Variants in EBF1 observed in about 807,000 individuals in gnomAD.
EBF1 encodes EBF transcription factor 1.
A neutral mutation model predicts 68.4 loss-of-function variants in EBF1; 10 were observed. That is an observed-to-expected ratio of 0.15 (90% CI 0.09 to 0.25). The LOEUF is 0.25. Among genes scored for constraint, EBF1 ranks in the 10% least tolerant of loss-of-function variants. The pLI, the probability that EBF1 is intolerant of heterozygous loss-of-function variation, is 1.00. For missense variants in EBF1, 509 were observed against 794.4 expected (o/e 0.64, Z 4.32); for synonymous variants, 298 against 299.8 (o/e 0.99, Z 0.06).
At chr5:158,921,908 A>C (rs1808523229) in intron 6 of EBF1, among the ~76,000 whole-genome samples, 1 of 152,230 alleles carries the variant, frequency 6.6e-6, no homozygotes, top group Non-Finnish European at 1.5e-5. Context: ...TGGTTTATTG[A>C]ACCTGTAAAA....
chr5:158,720,217 C>T (rs1761638274), intron 11 of EBF1, among the ~76,000 whole-genome samples: 1 of 152,042 alleles, frequency 6.6e-6, no homozygotes, highest in South Asian at 2.1e-4. Flanking sequence ...TTGATGTGTG[C>T]ATTCAGCTCC....
At chr5:159,081,451 C>T (rs779008954) in intron 5 of EBF1, among the ~76,000 whole-genome samples, 2 of 152,338 alleles carry the variant, frequency 1.3e-5, no homozygotes, top group East Asian at 1.9e-4. Context: ...CAGTTTCAGG[C>T]ATCCACTGTG....
rs572163696 is a variant in EBF1, at chr5:158,864,209, G to T, written c.555-24099C>A. Among the ~76,000 whole-genome samples, 43 of 113,964 alleles carry T rather than the reference G, an allele frequency of 3.8e-4. No homozygotes were observed. In the South Asian group the frequency reaches 0.013, roughly 35 times the overall value. 74.8% of individuals were successfully genotyped at this position (113,964 alleles called of 152,430 possible). ...ACTGCACTCCAGCCTGGGTGACAGA[G>T]CAAGACTCTGTCTCAAAAAAAAAAA... is the stretch of plus-strand genomic sequence containing the variant. On this transcript the variant is annotated intron_variant, in intron 6 of 15. Transcript: ENST00000313708.
chr5:158,976,412 G>A (rs2127575026), intron 6 of EBF1, among the ~76,000 whole-genome samples: 1 of 151,788 alleles, frequency 6.6e-6, no homozygotes, highest in Admixed American at 6.6e-5. Context: ...CACTAGGAAT[G>A]TAAAATACAC....
intron 5 of EBF1, among the ~76,000 whole-genome samples, chr5:159,076,836 A>C (rs1448924693): frequency 6.6e-6 from 1 of 152,238 alleles, no homozygotes; most frequent in Admixed American, 6.5e-5. Flanking sequence ...ATGTGTGTAC[A>C]TACATACATA....
intron 6 of EBF1, among the ~76,000 whole-genome samples, chr5:158,978,090 G>A (rs1447017437): frequency 6.6e-6 from 1 of 152,204 alleles, no homozygotes; most frequent in Admixed American, 6.5e-5. Context: ...CTACTGAGTG[G>A]AGACAGGCTG....
At chr5:158,920,973 C>G in intron 6 of EBF1, among the ~76,000 whole-genome samples, 1 of 152,186 alleles carries the variant, frequency 6.6e-6, no homozygotes. Context: ...ATATGGGAAC[C>G]TAGCTTGGGT....
intron 7 of EBF1, among the ~76,000 whole-genome samples, chr5:158,832,375 T>C (rs1787772672): frequency 6.6e-6 from 1 of 152,232 alleles, no homozygotes; most frequent in South Asian, 2.1e-4. Context: ...ATATATCAGG[T>C]TGAAAATCAC....
At chr5:158,985,885 G>A (rs1311981236) in intron 6 of EBF1, 1 of 152,332 alleles carries the variant, frequency 6.6e-6, no homozygotes, top group Non-Finnish European at 1.5e-5. Context: ...CTTGACTTGG[G>A]TGCCAAGAGG....
intron 9 of EBF1, among the ~76,000 whole-genome samples, chr5:158,788,965 A>C (rs1359521597): frequency 6.6e-6 from 1 of 152,110 alleles, no homozygotes; most frequent in African/African-American, 2.4e-5. Flanking sequence ...TAACTATATT[A>C]AAAAGGCCAT....
At chr5:158,707,903 A>T (rs1758221455) in intron 15 of EBF1, 76 bp downstream of exon 15, 1 of 1,465,412 alleles carries the variant, frequency 6.8e-7, no homozygotes, top group Non-Finnish European at 9.2e-7. Flanking sequence ...AGCAATGGTG[A>T]TGCATCTGCT....
chr5:159,096,654 G>A, intron 2 of EBF1: 1 of 609,318 alleles, frequency 1.6e-6, no homozygotes, highest in Non-Finnish European at 2.9e-6. Context: ...GGGCCTAGGG[G>A]CTCGTGCCCC....
At chr5:158,887,919 G>T (rs1340321142) in intron 6 of EBF1, among the ~76,000 whole-genome samples, 1 of 152,196 alleles carries the variant, frequency 6.6e-6, no homozygotes, top group Non-Finnish European at 1.5e-5. Flanking sequence ...GGTTTAAGGT[G>T]AAGAATGATT....
In EBF1 at chr5:158,990,098, G is replaced by A. The variant is rs536110212; in HGVS notation, c.554+83298C>T. ...AGGGAGCGAAATGTGAACCTCCTGC[G>A]GCAGGGTGAAAATGATTCTAGACAT... On this transcript the variant is annotated intron_variant, in intron 6 of 15. Transcript: ENST00000313708. Among the ~76,000 whole-genome samples, 67 of 152,300 alleles carry A rather than the reference G, an allele frequency of 4.4e-4. 1 individual carries two copies. The highest frequency in any genetic ancestry group is 1.0e-3 in the African/African-American group (42 of 41,558).
intron 6 of EBF1, among the ~76,000 whole-genome samples, chr5:159,054,482 C>T (rs541042821): frequency 1.3e-4 from 20 of 152,338 alleles, no homozygotes; most frequent in African/African-American, 4.8e-4. Context: ...CTCGTCTCCT[C>T]TGCACATAGA....
chr5:159,063,731 C>T (rs1001967567), intron 6 of EBF1, among the ~76,000 whole-genome samples: 4 of 152,116 alleles, frequency 2.6e-5, no homozygotes, highest in Non-Finnish European at 5.9e-5. Flanking sequence ...GGTAATTGTG[C>T]TCAAAGGAAG....
intron 15 of EBF1, among the ~76,000 whole-genome samples, chr5:158,700,290 T>A (rs1408279747): frequency 6.6e-6 from 1 of 152,222 alleles, no homozygotes; most frequent in Admixed American, 6.5e-5. Flanking sequence ...TAAAACAGGG[T>A]GGCACCTTTG....
intron 6 of EBF1, among the ~76,000 whole-genome samples, chr5:158,935,403 A>C (rs1811788757): frequency 6.6e-6 from 1 of 152,186 alleles, no homozygotes; most frequent in African/African-American, 2.4e-5. Context: ...GCCTCTGGGG[A>C]GCCATGGGCA....
At chr5:158,779,437 T>C (rs1010014577) in intron 9 of EBF1, among the ~76,000 whole-genome samples, 1 of 152,204 alleles carries the variant, frequency 6.6e-6, no homozygotes, top group Admixed American at 6.5e-5. Flanking sequence ...AGTTTTTTTC[T>C]GATCCAAAGA....
Sources: allele counts gnomAD v4.1 joint callset (sites outside exome capture counted in the v4.1 genomes callset), GRCh38; gene constraint gnomAD v4.1.1; transcripts MANE v1.5; gene names NCBI Gene and HGNC (gene_info 2026-07-23, HGNC 2026-07-21).